Variants in TUT4 observed in about 807,000 individuals in gnomAD.
TUT4 encodes the protein terminal uridylyltransferase 4.
Under a neutral mutation model 192.2 loss-of-function variants are expected in TUT4, and 36 were observed. The observed-to-expected ratio is 0.19, with a 90% CI of 0.14 to 0.25. The LOEUF (loss-of-function observed/expected upper bound fraction) is 0.25, where lower values mean the gene tolerates loss of function less well. Ranked by LOEUF, TUT4 falls within the 10% of genes least tolerant of loss-of-function variation. The pLI, the probability that TUT4 is intolerant of heterozygous loss-of-function variation, is 1.00. For missense variants in TUT4, 1,493 were observed against 1,957.2 expected (o/e 0.76, Z 4.47); for synonymous variants, 618 against 666.0 (o/e 0.93, Z 1.11).
intron 4 of TUT4, 74 bp from the exon 5 acceptor site, chr1:52,497,257 A>G (rs1166531452): frequency 1.1e-5 from 16 of 1,400,376 alleles, no homozygotes; most frequent in African/African-American, 1.5e-5. Flanking sequence ...TTTAGCAGGG[A>G]AAGACAGAAA....
chr1:52,524,720 T>A (rs1022814411), intron 2 of TUT4, among the ~76,000 whole-genome samples: 1 of 151,114 alleles, frequency 6.6e-6, no homozygotes, highest in Non-Finnish European at 1.5e-5. Flanking sequence ...ACAGAATTGC[T>A]TGAACCTGGG....
intron 3 of TUT4, among the ~76,000 whole-genome samples, chr1:52,510,775 A>G (rs1011256459): frequency 5.3e-5 from 8 of 152,204 alleles, no homozygotes; most frequent in Non-Finnish European, 1.0e-4. Context: ...CATCTTATAG[A>G]TGTGAAAACA....
rs183236746 is a variant in TUT4 at position 52,446,090 on chromosome 1, T to C, written c.3692-86A>G. The C allele has an allele frequency of 5.4e-5, 73 of 1,351,740 alleles. No individual in the cohort carries two copies. The Middle Eastern group carries it at 9.4e-4, about 17-fold the overall frequency. 83.7% of individuals were successfully genotyped at this position (1,351,740 alleles called of 1,614,324 possible). ...AGAAGTCACCGCTGAAGTCTAATAC[T>C]TATATGTACTCAGACTATACAAATC... is the stretch of plus-strand genomic sequence containing the variant. On this transcript the variant is annotated intron_variant, in intron 22 of 29. Transcript: ENST00000257177.
At position 52,445,817 on chromosome 1, in the gene TUT4, G is replaced by A. The variant is rs1323723064; in HGVS notation, c.3792C>T (p.Thr1264=). 1 of 1,612,358 alleles carries A rather than the reference G, an allele frequency of 6.2e-7. No individual in the cohort carries two copies. The highest frequency in any genetic ancestry group is 1.3e-5 in the African/African-American group (1 of 74,924). The part of the protein sequence containing the change: ...AFINGRKLFG[T]PFYPLIGREA... ...CTCTGCCAATGAGTGGATAAAAAGGGGTACCAAAAAGTTTCCTTCCATTGA... is the reference window on the plus strand; with the variant it reads ...CTCTGCCAATGAGTGGATAAAAAGGAGTACCAAAAAGTTTCCTTCCATTGA... The change falls in exon 24 of 30, where the codon ACC becomes ACT. Residue 1264 remains threonine, a synonymous_variant. Transcript: ENST00000257177.
At chr1:52,526,661 A>G (rs921500491) in intron 1 of TUT4, among the ~76,000 whole-genome samples, 25 of 152,224 alleles carry the variant, frequency 1.6e-4, no homozygotes, top group Admixed American at 1.0e-3. Context: ...GAATTTCAAT[A>G]GAAAACTAAA....
intron 29 of TUT4, chr1:52,424,332 C>T (rs932566218): frequency 1.7e-5 from 5 of 300,872 alleles, no homozygotes; most frequent in African/African-American, 1.1e-4. Flanking sequence ...AAGAGAAGAG[C>T]TCAACCACAG....
intron 29 of TUT4, 129 bp downstream of exon 29, chr1:52,425,220 A>G: frequency 8.6e-7 from 1 of 1,163,066 alleles, no homozygotes; most frequent in South Asian, 1.6e-5. Context: ...TCTGACACAC[A>G]GTATAATTTC....
chr1:52,523,939 T>C (rs1452096929), intron 2 of TUT4, among the ~76,000 whole-genome samples: 2 of 152,180 alleles, frequency 1.3e-5, no homozygotes, highest in Non-Finnish European at 2.9e-5. Flanking sequence ...TTTTTATTTC[T>C]ACATCAAGAT....
intron 1 of TUT4, among the ~76,000 whole-genome samples, chr1:52,551,240 T>C (rs1223972879): frequency 6.6e-6 from 1 of 152,214 alleles, no homozygotes. Flanking sequence ...TGAAAATACT[T>C]TAAATTTCTT....
intron 13 of TUT4, among the ~76,000 whole-genome samples, chr1:52,473,293 AG>A (rs1317850090): frequency 2.6e-5 from 4 of 152,168 alleles, no homozygotes; most frequent in Admixed American, 6.5e-5. Flanking sequence ...TGTTGGTCAA[AG>A]GGTACAAAGT....
intron 20 of TUT4, among the ~76,000 whole-genome samples, chr1:52,447,821 ATAAAT>A (rs1481275021): frequency 6.6e-6 from 1 of 152,230 alleles, no homozygotes; most frequent in Non-Finnish European, 1.5e-5. Flanking sequence ...GAAAGACTAT[ATAAAT>A]TAGTCAGTCA....
intron 14 of TUT4, among the ~76,000 whole-genome samples, chr1:52,471,542 G>A (rs1665786853): frequency 6.6e-6 from 1 of 152,210 alleles, no homozygotes; most frequent in Non-Finnish European, 1.5e-5. Context: ...GAACGCTGCA[G>A]TGATGAAAAT....
At chr1:52,430,428 G>A (rs1033735271) in intron 28 of TUT4, among the ~76,000 whole-genome samples, 8 of 152,096 alleles carry the variant, frequency 5.3e-5, no homozygotes, top group South Asian at 2.1e-4. Context: ...GATTACAGGC[G>A]TGCACCACCA....
chr1:52,550,496 CT>C (rs752817651), intron 1 of TUT4, among the ~76,000 whole-genome samples: 271 of 122,016 alleles, frequency 2.2e-3, no homozygotes, highest in African/African-American at 4.7e-3. Flanking sequence ...GTAAGTATTG[CT>C]TTTTTTTTTT....
intron 4 of TUT4, among the ~76,000 whole-genome samples, chr1:52,505,362 T>C (rs1471927521): frequency 1.3e-5 from 2 of 151,950 alleles, no homozygotes; most frequent in East Asian, 1.9e-4. Context: ...ACACCCAGCT[T>C]TGTAGATGTC....
chr1:52,473,429 C>A (rs1273029109), intron 13 of TUT4, among the ~76,000 whole-genome samples: 1 of 152,054 alleles, frequency 6.6e-6, no homozygotes, highest in East Asian at 1.9e-4. Flanking sequence ...AGTTCTCTAA[C>A]AACAAAAGGA....
rs755949758 is a variant in TUT4 at position 52,488,773 on chromosome 1, T to C, written c.1515+136A>G. The stretch of plus-strand genomic sequence containing the variant: ...TACAACCTGCCACACCAACTTTCTG[T>C]CTAGCACAGAAAACTACTTTCTCCC... On this transcript the variant is annotated intron_variant, in intron 9 of 29. Coordinates refer to ENST00000257177, the MANE Select transcript of TUT4 (RefSeq NM_001009881.3). 52 of 943,720 alleles carry C rather than the reference T, an allele frequency of 5.5e-5. 1 individual carries two copies. Among genetic ancestry groups the C allele is most frequent in the Non-Finnish European group, 7.1e-5 (49 of 687,476 alleles). 58.5% of individuals were successfully genotyped at this position (943,720 alleles called of 1,614,324 possible).
At chr1:52,552,872 G>T (rs893284386) in intron 1 of TUT4, 59 bp downstream of exon 1, 1 of 152,586 alleles carries the variant, frequency 6.6e-6, no homozygotes, top group South Asian at 2.0e-4. Context: ...GGGGCCGCCC[G>T]GCCTTCCCGA....
intron 9 of TUT4, among the ~76,000 whole-genome samples, chr1:52,482,512 TCAC>T (rs1668735712): frequency 6.6e-6 from 1 of 152,180 alleles, no homozygotes; most frequent in Admixed American, 6.5e-5. Context: ...TGATCATGAC[TCAC>T]TGCAGGCTCA....
Sources: gnomAD v4.1 joint callset for allele counts (sites outside exome capture counted in the v4.1 genomes callset) on GRCh38, gnomAD v4.1.1 for gene constraint, MANE v1.5 for transcripts, NCBI Gene and HGNC (gene_info 2026-07-23, HGNC 2026-07-21) for gene names.